LDLRAD3: variants seen among roughly 807,000 people sequenced by gnomAD.
LDLRAD3 encodes low-density lipoprotein receptor class A domain-containing protein 3.
A neutral mutation model predicts 29.4 loss-of-function variants in LDLRAD3; 20 were observed. The observed-to-expected ratio is 0.68, with a 90% CI of 0.48 to 0.99. The LOEUF (loss-of-function observed/expected upper bound fraction) is 0.99, where lower values mean the gene tolerates loss of function less well. LDLRAD3 is among the 50% of genes least tolerant of loss of function. The probability of loss-of-function intolerance (pLI) is 0.00; values close to 1 mark genes in which losing one functional copy is unlikely to be tolerated. For missense variants in LDLRAD3, 420 were observed against 454.3 expected (o/e 0.92, Z 0.69); for synonymous variants, 157 against 192.7 (o/e 0.81, Z 1.53).
chr11:36,048,638 A>G (rs1018458863), intron 2 of LDLRAD3, among the ~76,000 whole-genome samples: 1 of 152,160 alleles, frequency 6.6e-6, no homozygotes, highest in African/African-American at 2.4e-5. Context: ...CGTTTGTTTC[A>G]TTATTTAGTT....
chr11:36,100,700 G>A (rs1215324880), intron 4 of LDLRAD3, among the ~76,000 whole-genome samples: 1 of 152,198 alleles, frequency 6.6e-6, no homozygotes, highest in Non-Finnish European at 1.5e-5. Context: ...GCCTCCCCAA[G>A]TGCCGGGATT....
At chr11:36,139,775 T>A (rs545316436) in intron 4 of LDLRAD3, among the ~76,000 whole-genome samples, 1 of 152,046 alleles carries the variant, frequency 6.6e-6, no homozygotes, top group African/African-American at 2.4e-5. Context: ...GAGACGAGGG[T>A]GAAGGGATAG....
At chr11:36,146,946 C>T (rs898861941) in intron 4 of LDLRAD3, among the ~76,000 whole-genome samples, 17 of 151,452 alleles carry the variant, frequency 1.1e-4, no homozygotes, top group African/African-American at 4.1e-4. Flanking sequence ...CATACTGCCA[C>T]ATGCAGCTAA....
intron 4 of LDLRAD3, among the ~76,000 whole-genome samples, chr11:36,224,104 A>G (rs972818873): frequency 2.0e-5 from 3 of 149,036 alleles, no homozygotes; most frequent in Non-Finnish European, 4.4e-5. Flanking sequence ...TTATATAATA[A>G]TAATTATTAT....
At chr11:36,184,419 A>G (rs12278309) in intron 4 of LDLRAD3, among the ~76,000 whole-genome samples, 7,352 of 152,252 alleles carry the variant, frequency 0.048, 579 homozygotes, top group African/African-American at 0.16. Context: ...TTACATGTCT[A>G]TTTCTGATAT....
chr11:35,973,033 A>G (rs1044802542), intron 1 of LDLRAD3, among the ~76,000 whole-genome samples: 1 of 147,836 alleles, frequency 6.8e-6, no homozygotes, highest in Non-Finnish European at 1.5e-5. Context: ...AGCCTGGGCA[A>G]CAGAGCGAGA....
chr11:36,071,075 G>A (rs1852893713), intron 2 of LDLRAD3, among the ~76,000 whole-genome samples: 2 of 152,164 alleles, frequency 1.3e-5, no homozygotes, highest in Admixed American at 1.3e-4. Flanking sequence ...CCAGACAGGA[G>A]TGTCCCCTAC....
At chr11:36,126,208 G>A (rs933251467) in intron 4 of LDLRAD3, among the ~76,000 whole-genome samples, 4 of 151,910 alleles carry the variant, frequency 2.6e-5, no homozygotes, top group African/African-American at 4.8e-5. Flanking sequence ...GCTGGTCCCC[G>A]CTGCCTGCAC....
At chr11:36,088,086 C>T (rs544253536) in intron 3 of LDLRAD3, among the ~76,000 whole-genome samples, 35 of 152,134 alleles carry the variant, frequency 2.3e-4, no homozygotes, top group African/African-American at 8.0e-4. Flanking sequence ...AACTCCTGAG[C>T]TCAAGCCAAC....
In LDLRAD3 at chr11:36,145,419, C is replaced by G. The variant is rs1232031746; in HGVS notation, c.454+46958C>G. On this transcript the variant is annotated intron_variant, in intron 4 of 5. Transcript: ENST00000315571. The stretch of plus-strand genomic sequence containing the variant: ...CCCCCGCCCAGCCAGCCACCCCATC[C>G]GGGAGGTGAGGGGCGCCTCTGCCCG... 5.5e-5 allele frequency among the ~76,000 whole-genome samples: 6 copies of G among 108,672 alleles called. 1 individual carries two copies. The highest frequency in any genetic ancestry group is 1.1e-4 in the Non-Finnish European group (6 of 53,056). The allele number at this position is 108,672 out of a possible 152,430, so 71.3% of individuals were successfully genotyped here.
intron 4 of LDLRAD3, among the ~76,000 whole-genome samples, chr11:36,148,833 G>T (rs1251923679): frequency 6.6e-6 from 1 of 152,228 alleles, no homozygotes; most frequent in Non-Finnish European, 1.5e-5. Context: ...GCATCCCCTG[G>T]CTTGGGTAGG....
chr11:36,222,043 T>A (rs545569338), intron 4 of LDLRAD3, among the ~76,000 whole-genome samples: 4 of 152,212 alleles, frequency 2.6e-5, no homozygotes, highest in Non-Finnish European at 5.9e-5. Context: ...CTTGCTGTTA[T>A]GAACCATGCT....
intron 2 of LDLRAD3, among the ~76,000 whole-genome samples, chr11:36,079,671 G>T (rs1193975604): frequency 1.3e-5 from 2 of 152,146 alleles, no homozygotes; most frequent in Non-Finnish European, 2.9e-5. Flanking sequence ...GCAGCGAAGG[G>T]GCTATCTGCA....
intron 4 of LDLRAD3, among the ~76,000 whole-genome samples, chr11:36,188,808 C>G (rs190008550): frequency 1.3e-5 from 2 of 152,188 alleles, no homozygotes; most frequent in African/African-American, 2.4e-5. Flanking sequence ...ACTACTAGCC[C>G]TTTTCCTCAA....
chr11:36,145,353 C>T lies in LDLRAD3; in HGVS notation c.454+46892C>T, dbSNP rs1312973537. ...CTGGGAAGTGAGGAGCCCCTCTGCC[C>T]GGCCAGCCGCCCCGTCTGGGAGGGA... On this transcript the variant is annotated intron_variant, in intron 4 of 5. Transcript: ENST00000315571. 6.1e-5 allele frequency among the ~76,000 whole-genome samples: 6 copies of T among 99,102 alleles called. 1 individual carries two copies. Among genetic ancestry groups the T allele is most frequent in the Admixed American group, 1.7e-4 (2 of 11,732 alleles). 65.0% of individuals were successfully genotyped at this position (99,102 alleles called of 152,430 possible).
At chr11:35,949,384 A>G (rs1011235257) in intron 1 of LDLRAD3, among the ~76,000 whole-genome samples, 2 of 152,192 alleles carry the variant, frequency 1.3e-5, no homozygotes, top group Non-Finnish European at 2.9e-5. Context: ...TAGGAGCACA[A>G]GCTGCCAGAT....
At chr11:36,169,365 G>A (rs1476288968) in intron 4 of LDLRAD3, among the ~76,000 whole-genome samples, 2 of 152,192 alleles carry the variant, frequency 1.3e-5, no homozygotes, top group Middle Eastern at 3.4e-3. Context: ...ACCCTACTGC[G>A]CTGTTGAATA....
At chr11:36,194,100 T>A (rs12575617) in intron 4 of LDLRAD3, among the ~76,000 whole-genome samples, 13,419 of 152,190 alleles carry the variant, frequency 0.088, 617 homozygotes, top group East Asian at 0.19. Flanking sequence ...GTTGTTTCAT[T>A]TGTGCATGGT....
chr11:36,088,878 C>T (rs1853235109), intron 3 of LDLRAD3, among the ~76,000 whole-genome samples: 1 of 152,164 alleles, frequency 6.6e-6, no homozygotes. Flanking sequence ...AATGTCAACT[C>T]ATCAGAGAGG....
Sources: allele counts gnomAD v4.1 joint callset (sites outside exome capture counted in the v4.1 genomes callset), GRCh38; gene constraint gnomAD v4.1.1; transcripts MANE v1.5; gene names NCBI Gene and HGNC (gene_info 2026-07-23, HGNC 2026-07-21).